AGBL4: variants seen among roughly 807,000 people sequenced by gnomAD.
AGBL4 encodes the protein AGBL carboxypeptidase 4.
In AGBL4, 58 loss-of-function variants were observed where a neutral mutation model predicts 66.4. The ratio of observed to expected loss-of-function variants is 0.87; its 90% confidence interval spans 0.71 to 1.09. AGBL4 has a LOEUF of 1.09. Ranked by LOEUF, AGBL4 falls within the 50% of genes least tolerant of loss-of-function variation. The pLI is 0.00. For missense variants in AGBL4, 579 were observed against 631.0 expected (o/e 0.92, Z 0.88); for synonymous variants, 234 against 222.9 (o/e 1.05, Z -0.44).
intron 5 of AGBL4, among the ~76,000 whole-genome samples, chr1:48,925,506 ATT>A (rs1033165863): frequency 6.6e-6 from 1 of 151,672 alleles, no homozygotes; most frequent in East Asian, 1.9e-4. Context: ...ACATTATGAG[ATT>A]TTTTTTGTGT....
At chr1:49,923,580 T>A (rs1323294035) in intron 1 of AGBL4, among the ~76,000 whole-genome samples, 5 of 152,086 alleles carry the variant, frequency 3.3e-5, no homozygotes, top group Non-Finnish European at 7.4e-5. Context: ...TAAGGTCTAA[T>A]ATCAAGAATC....
intron 11 of AGBL4, among the ~76,000 whole-genome samples, chr1:48,576,209 C>T (rs1408967892): frequency 6.6e-6 from 1 of 152,182 alleles, no homozygotes; most frequent in African/African-American, 2.4e-5. Flanking sequence ...GCATTAGATT[C>T]TCATAGGAAT....
chr1:48,693,580 T>C (rs1449865442), intron 6 of AGBL4, among the ~76,000 whole-genome samples: 7 of 152,180 alleles, frequency 4.6e-5, no homozygotes, highest in Non-Finnish European at 8.8e-5. Flanking sequence ...CAGGAAGCTC[T>C]CCTGAACTCA....
chr1:49,735,999 A>G (rs1649859024), intron 2 of AGBL4, among the ~76,000 whole-genome samples: 2 of 151,880 alleles, frequency 1.3e-5, no homozygotes, highest in African/African-American at 4.8e-5. Context: ...AGCAACAGAG[A>G]AAAAAAATGA....
intron 2 of AGBL4, among the ~76,000 whole-genome samples, chr1:49,842,975 C>T (rs1646038787): frequency 6.6e-6 from 1 of 152,008 alleles, no homozygotes; most frequent in Non-Finnish European, 1.5e-5. Context: ...TGGATCCAGG[C>T]TGGGCCCTGA....
intron 6 of AGBL4, among the ~76,000 whole-genome samples, chr1:48,675,855 G>C (rs1368789419): frequency 1.3e-5 from 2 of 152,230 alleles, no homozygotes; most frequent in African/African-American, 2.4e-5. Flanking sequence ...CATTTGAGCA[G>C]TTCTTATATA....
intron 6 of AGBL4, among the ~76,000 whole-genome samples, chr1:48,794,270 T>C (rs1330599027): frequency 1.3e-5 from 2 of 152,106 alleles, no homozygotes; most frequent in South Asian, 2.1e-4. Context: ...GGCCCTATGC[T>C]CTCCCACTGG....
At chr1:48,944,236 A>AG (rs1234497310) in intron 5 of AGBL4, among the ~76,000 whole-genome samples, 1 of 151,264 alleles carries the variant, frequency 6.6e-6, no homozygotes, top group Non-Finnish European at 1.5e-5. Flanking sequence ...CAGTCTTCCC[A>AG]GGGGTTAGGT....
intron 1 of AGBL4, among the ~76,000 whole-genome samples, chr1:49,928,651 C>G (rs973304877): frequency 3.9e-5 from 6 of 152,076 alleles, no homozygotes; most frequent in African/African-American, 1.4e-4. Flanking sequence ...AAACTATAAA[C>G]CCGTATATCC....
At chr1:49,586,135 A>G (rs189638013) in intron 3 of AGBL4, among the ~76,000 whole-genome samples, 73 of 152,304 alleles carry the variant, frequency 4.8e-4, no homozygotes, top group African/African-American at 1.5e-3. Context: ...TTTCTTTTAT[A>G]TATGTTGCCT....
intron 2 of AGBL4, among the ~76,000 whole-genome samples, chr1:49,833,168 G>A (rs1201577494): frequency 1.3e-5 from 2 of 152,152 alleles, no homozygotes; most frequent in Non-Finnish European, 1.5e-5. Flanking sequence ...ATTAATTTTT[G>A]TATAAGGTGT....
At chr1:49,108,797 A>G (rs1012461927) in intron 4 of AGBL4, among the ~76,000 whole-genome samples, 1 of 152,158 alleles carries the variant, frequency 6.6e-6, no homozygotes, top group African/African-American at 2.4e-5. Context: ...AAGGGGTGAC[A>G]GCCGGACAGA....
At chr1:49,578,638 C>T (rs1302552008) in intron 3 of AGBL4, among the ~76,000 whole-genome samples, 3 of 152,178 alleles carry the variant, frequency 2.0e-5, no homozygotes, top group African/African-American at 7.2e-5. Context: ...ATGAGATTTA[C>T]TGACTTCATA....
At chr1:49,980,518 AG>A (rs1406250788) in intron 1 of AGBL4, among the ~76,000 whole-genome samples, 2 of 152,156 alleles carry the variant, frequency 1.3e-5, no homozygotes, top group African/African-American at 2.4e-5. Context: ...GGAATCATAC[AG>A]TATTGTCTTT....
intron 2 of AGBL4, among the ~76,000 whole-genome samples, chr1:49,704,247 T>C: frequency 6.6e-6 from 1 of 152,080 alleles, no homozygotes; most frequent in East Asian, 1.9e-4. Flanking sequence ...ATAAATTTAG[T>C]AATCAAGACA....
intron 3 of AGBL4, among the ~76,000 whole-genome samples, chr1:49,602,204 G>A (rs1344301413): frequency 6.6e-6 from 1 of 152,174 alleles, no homozygotes; most frequent in Non-Finnish European, 1.5e-5. Flanking sequence ...ATAGATGCTG[G>A]AGAGGATGTG....
intron 3 of AGBL4, among the ~76,000 whole-genome samples, chr1:49,257,226 G>A: frequency 6.6e-6 from 1 of 152,174 alleles, no homozygotes; most frequent in East Asian, 1.9e-4. Flanking sequence ...ATTTAAGTCT[G>A]CAAAGGTTAC....
In AGBL4 at chr1:49,819,053, C is replaced by T. The variant is rs1367370905; in HGVS notation, c.157+32343G>A. Among the ~76,000 whole-genome samples, 2 of 151,998 alleles carry T rather than the reference C, an allele frequency of 1.3e-5. 1 individual carries two copies. The highest frequency in any genetic ancestry group is 2.9e-5 in the Non-Finnish European group (2 of 68,006). ...ATCTGAAATATTAGAAAAATAGTGC[C>T]TATTTCATGGGATTCTTAGGAGAAT... On this transcript the variant is annotated intron_variant, in intron 2 of 13. Coordinates refer to ENST00000371839, the MANE Select transcript of AGBL4 (RefSeq NM_032785.4).
chr1:49,797,145 C>T lies in AGBL4; in HGVS notation c.157+54251G>A, dbSNP rs570190647. On this transcript the variant is annotated intron_variant, in intron 2 of 13. Coordinates refer to ENST00000371839, the MANE Select transcript of AGBL4 (RefSeq NM_032785.4). Reference sequence around the variant, plus strand: ...TATCAACTTTCTATTCATAAAATAACGATATTAGTAAATCCTGCCAATTTC... The same window carrying T: ...TATCAACTTTCTATTCATAAAATAATGATATTAGTAAATCCTGCCAATTTC... Among the ~76,000 whole-genome samples the T allele has an allele frequency of 5.1e-4, 77 of 152,144 alleles. 2 individuals carry two copies. The highest frequency in any genetic ancestry group is 6.8e-3 in the Middle Eastern group (2 of 294).
Sources: allele counts gnomAD v4.1 joint callset (sites outside exome capture counted in the v4.1 genomes callset), GRCh38; gene constraint gnomAD v4.1.1; transcripts MANE v1.5; gene names NCBI Gene and HGNC (gene_info 2026-07-23, HGNC 2026-07-21).